The following SPACA3 variants were observed in gnomAD, a reference collection of about 807,000 sequenced individuals.
SPACA3 encodes sperm acrosome associated 3, also known as sperm acrosome membrane-associated protein 3.
Under a neutral mutation model 24.5 loss-of-function variants are expected in SPACA3, and 21 were observed. The observed-to-expected ratio is 0.86, with a 90% CI of 0.61 to 1.24. The LOEUF (loss-of-function observed/expected upper bound fraction) is 1.24. Among genes scored for constraint, SPACA3 ranks in the 50% most tolerant of loss-of-function variants. The pLI, the probability that SPACA3 is intolerant of heterozygous loss-of-function variation, is 0.00. For synonymous variants in SPACA3, 115 were observed against 106.9 expected (o/e 1.08, Z -0.47); for missense variants, 278 against 275.5 (o/e 1.01, Z -0.06).
At chr17:32,993,138 G>T in intron 1 of SPACA3, 1 of 367,320 alleles carries the variant, frequency 2.7e-6, no homozygotes, top group Non-Finnish European at 5.5e-6. Flanking sequence ...TTCCAGTTTG[G>T]GTAAATGTGT....
At chr17:32,997,038 G>T in intron 3 of SPACA3, 37 bp downstream of exon 3, 2 of 1,478,788 alleles carry the variant, frequency 1.4e-6, no homozygotes, top group East Asian at 2.5e-5. Flanking sequence ...CAGGAGTCAG[G>T]CCCTGCATTA....
At chr17:32,993,936 T>C (rs1271595772) in intron 1 of SPACA3, among the ~76,000 whole-genome samples, 2 of 151,592 alleles carry the variant, frequency 1.3e-5, no homozygotes, top group African/African-American at 4.9e-5. Context: ...CTGCATGAGA[T>C]TGGAGGCCCC....
chr17:32,993,246 C>T (rs886994381), intron 1 of SPACA3, among the ~76,000 whole-genome samples: 1 of 152,176 alleles, frequency 6.6e-6, no homozygotes, highest in African/African-American at 2.4e-5. Context: ...GTTTGAGGTG[C>T]CTGCAGGGCA....
intron 1 of SPACA3, chr17:32,992,847 G>T (rs150510375): frequency 4.3e-6 from 2 of 469,226 alleles, no homozygotes; most frequent in East Asian, 1.4e-4. Flanking sequence ...GTGAAGGGCC[G>T]TGTGGACCTC....
intron 1 of SPACA3, among the ~76,000 whole-genome samples, chr17:32,993,645 A>G (rs1166127712): frequency 2.6e-5 from 4 of 151,268 alleles, no homozygotes; most frequent in Non-Finnish European, 4.4e-5. Context: ...CGGTGATGGC[A>G]GGGAGGCCAA....
At chr17:32,992,772 G>A (rs780303308) in intron 1 of SPACA3, 1 of 415,276 alleles carries the variant, frequency 2.4e-6, no homozygotes, top group Non-Finnish European at 4.9e-6. Flanking sequence ...AGAGAACAAG[G>A]TGGCACTGCT....
At chr17:32,993,478 G>T (rs976632803) in intron 1 of SPACA3, among the ~76,000 whole-genome samples, 2 of 152,198 alleles carry the variant, frequency 1.3e-5, no homozygotes, top group African/African-American at 4.8e-5. Flanking sequence ...GAGTCAGCCA[G>T]AGAGGGAGGA....
In SPACA3 at chr17:32,991,954, C is replaced by T. The variant is rs200193792; in HGVS notation, c.16C>T (p.Arg6Trp). 7.7e-5 allele frequency: 124 copies of T among 1,613,894 alleles called. No individual in the cohort carries two copies. Among genetic ancestry groups the T allele is most frequent in the Admixed American group, 6.8e-4 (41 of 60,004 alleles). The change falls in exon 1 of 5, where the codon CGG (arginine) becomes TGG (tryptophan). Residue 6 changes from arginine (R) to tryptophan (W), a missense_variant. Physicochemically the swap from Arg to Trp is moderately radical, Grantham distance 101. Transcript: ENST00000269053. ...CATTGTCACCATGGTCTCAGCTCTG[C>T]GGGGAGCACCCCTGATCAGTGAGCC... MVSALRGAPLIRVHSS... is the reference protein window; with the variant it reads MVSALWGAPLIRVHSS...
At chr17:32,993,947 G>A (rs759638918) in intron 1 of SPACA3, among the ~76,000 whole-genome samples, 41 of 152,136 alleles carry the variant, frequency 2.7e-4, no homozygotes, top group African/African-American at 7.7e-4. Context: ...TGGAGGCCCC[G>A]TACCCAAACA....
chr17:32,991,992 T>C lies in SPACA3; in HGVS notation c.34+20T>C. ...TGATCAGTGAGCCCCCTTTCCCTTC[T>C]TCCTGGGGCTGTTAACAGGGGCGCT... is the stretch of plus-strand genomic sequence containing the variant. On this transcript the variant is annotated intron_variant, in intron 1 of 4. Coordinates refer to ENST00000269053, the MANE Select transcript of SPACA3 (RefSeq NM_173847.5). The C allele has an allele frequency of 1.2e-6, 2 of 1,613,398 alleles. No individual in the cohort carries two copies. The highest frequency in any genetic ancestry group is 1.7e-6 in the Non-Finnish European group (2 of 1,179,850).
intron 1 of SPACA3, among the ~76,000 whole-genome samples, chr17:32,992,414 A>G (rs993462029): frequency 1.4e-4 from 22 of 152,164 alleles, no homozygotes; most frequent in African/African-American, 5.3e-4. Context: ...GGTGAGAAGA[A>G]GGTCTCATGT....
At chr17:32,997,312 A>AGAGT (rs2091727907) in intron 3 of SPACA3, 133 bp from the exon 4 acceptor site, 3 of 511,098 alleles carry the variant, frequency 5.9e-6, no homozygotes, top group Non-Finnish European at 1.0e-5. Flanking sequence ...AGGCGAGTGG[A>AGAGT]GTGTGTGTGT....
At chr17:32,995,739 G>C (rs147867748) in intron 2 of SPACA3, 22 bp downstream of exon 2, 4 of 1,601,878 alleles carry the variant, frequency 2.5e-6, no homozygotes, top group Non-Finnish European at 3.4e-6. Flanking sequence ...TCTCCCTGGC[G>C]GGCCCTGACT....
At chr17:32,993,711 T>C (rs997902146) in intron 1 of SPACA3, among the ~76,000 whole-genome samples, 3 of 151,586 alleles carry the variant, frequency 2.0e-5, no homozygotes, top group African/African-American at 4.9e-5. Flanking sequence ...CCCCAGGAGT[T>C]TGGGCGAGAA....
chr17:32,997,405 C>T, intron 3 of SPACA3, 40 bp from the exon 4 acceptor site: 1 of 1,556,366 alleles, frequency 6.4e-7, no homozygotes, highest in Non-Finnish European at 8.9e-7. Context: ...ACCTGGATGT[C>T]TCCTGTTCTC....
At chr17:32,997,668 T>C in intron 4 of SPACA3, 44 bp from the exon 5 acceptor site, 1 of 1,602,732 alleles carries the variant, frequency 6.2e-7, no homozygotes, top group Non-Finnish European at 8.5e-7. Flanking sequence ...GACTGGCAAC[T>C]GCAGCTGATA....
chr17:32,993,213 G>A (rs1291748537), intron 1 of SPACA3, among the ~76,000 whole-genome samples: 1 of 152,222 alleles, frequency 6.6e-6, no homozygotes, highest in Admixed American at 6.5e-5. Flanking sequence ...GATGGAAACA[G>A]TGGTTCTGTT....
At position 32,995,386 on chromosome 17, in the gene SPACA3, T is replaced by A. The variant is rs550611429; in HGVS notation, c.35-23T>A. On this transcript the variant is annotated intron_variant, in intron 1 of 4. Transcript: ENST00000269053. ...TGGAGCCTGGCCTTCTGCCCACCCCTTCTCTCCTCTCCCCTTTCCCAGGGG... is the reference window on the plus strand; with the variant it reads ...TGGAGCCTGGCCTTCTGCCCACCCCATCTCTCCTCTCCCCTTTCCCAGGGG... 1.9e-6 allele frequency: 3 copies of A among 1,568,532 alleles called. No homozygotes were observed. In the East Asian group the frequency reaches 6.7e-5, roughly 35 times the overall value.
chr17:32,997,808 G>A lies in SPACA3; in HGVS notation c.*30G>A, dbSNP rs1257548902. 3 of 1,613,016 alleles carry A rather than the reference G, an allele frequency of 1.9e-6. No individual in the cohort carries two copies. The highest frequency in any genetic ancestry group is 1.3e-5 in the African/African-American group (1 of 74,876). ...GACGGAACCATGCACAGCAGGCTGGGAAATGTGGTTTGGTTCCTGACCTAG... is the reference window on the plus strand; with the variant it reads ...GACGGAACCATGCACAGCAGGCTGGAAAATGTGGTTTGGTTCCTGACCTAG... On this transcript the variant is annotated 3_prime_UTR_variant, in exon 5 of 5. Transcript: ENST00000269053.
Sources: allele counts gnomAD v4.1 joint callset (sites outside exome capture counted in the v4.1 genomes callset), GRCh38; gene constraint gnomAD v4.1.1; transcripts MANE v1.5; gene names NCBI Gene and HGNC (gene_info 2026-07-23, HGNC 2026-07-21).